DAB1: variants seen among roughly 807,000 people sequenced by gnomAD.
The protein encoded by DAB1 is DAB adaptor protein 1.
A neutral mutation model predicts 64.6 loss-of-function variants in DAB1; 15 were observed. The ratio of observed to expected loss-of-function variants is 0.23; its 90% confidence interval spans 0.16 to 0.36. The LOEUF is 0.36. Among genes scored for constraint, DAB1 ranks in the 10% least tolerant of loss-of-function variants. The pLI, the probability that DAB1 is intolerant of heterozygous loss-of-function variation, is 1.00. For missense variants in DAB1, 596 were observed against 706.7 expected (o/e 0.84, Z 1.78); for synonymous variants, 235 against 251.9 (o/e 0.93, Z 0.64).
chr1:57,056,504 C>CAAA (rs71051216), intron 9 of DAB1, among the ~76,000 whole-genome samples: 1 of 87,012 alleles, frequency 1.1e-5, no homozygotes, highest in African/African-American at 4.5e-5. Flanking sequence ...GAGCCTGTCT[C>CAAA]AAAAAAAAAA....
intron 3 of DAB1, among the ~76,000 whole-genome samples, chr1:58,389,419 C>T (rs894114067): frequency 6.6e-6 from 1 of 152,184 alleles, no homozygotes; most frequent in African/African-American, 2.4e-5. Context: ...GTCTGAGCAG[C>T]AGAGTGACAA....
chr1:57,461,740 C>G (rs977286456), intron 7 of DAB1, among the ~76,000 whole-genome samples: 3 of 152,104 alleles, frequency 2.0e-5, no homozygotes, highest in African/African-American at 7.2e-5. Flanking sequence ...GTGCATACCT[C>G]TATCATTGCT....
chr1:57,294,475 T>TA (rs35156899), intron 1 of DAB1, among the ~76,000 whole-genome samples: 7 of 151,666 alleles, frequency 4.6e-5, no homozygotes, highest in African/African-American at 7.3e-5. Flanking sequence ...CTTTTTTTTT[T>TA]AAACAAAGCA....
intron 2 of DAB1, among the ~76,000 whole-genome samples, chr1:58,511,596 T>A (rs1569921691): frequency 6.6e-6 from 1 of 152,002 alleles, no homozygotes; most frequent in Non-Finnish European, 1.5e-5. Flanking sequence ...ATCACTGCAC[T>A]CTAGCCTGGG....
intron 3 of DAB1, among the ~76,000 whole-genome samples, chr1:58,369,027 C>T (rs1251150807): frequency 1.3e-5 from 2 of 152,172 alleles, no homozygotes; most frequent in African/African-American, 4.8e-5. Context: ...AAAAAGTAGC[C>T]TTCAACCAAG....
At chr1:57,128,446 G>C (rs1405190069) in intron 4 of DAB1, among the ~76,000 whole-genome samples, 1 of 152,128 alleles carries the variant, frequency 6.6e-6, no homozygotes, top group African/African-American at 2.4e-5. Flanking sequence ...TACAAATAAA[G>C]TTTTATTAGA....
At chr1:58,337,425 C>T (rs1252562941) in intron 4 of DAB1, among the ~76,000 whole-genome samples, 3 of 151,936 alleles carry the variant, frequency 2.0e-5, no homozygotes, top group Non-Finnish European at 4.4e-5. Flanking sequence ...TTTCTCTTTT[C>T]CAGAAACCCA....
At chr1:58,355,522 G>A (rs1281280636) in intron 3 of DAB1, among the ~76,000 whole-genome samples, 2 of 150,952 alleles carry the variant, frequency 1.3e-5, no homozygotes, top group Non-Finnish European at 2.9e-5. Flanking sequence ...CAGCTTTCTT[G>A]TCACTTTCAC....
At chr1:58,441,847 C>G (rs941680856) in intron 3 of DAB1, among the ~76,000 whole-genome samples, 1 of 152,182 alleles carries the variant, frequency 6.6e-6, no homozygotes, top group Non-Finnish European at 1.5e-5. Context: ...AAATTGCTCA[C>G]TGAGTCGGTA....
chr1:57,063,446 A>G (rs1650602871), intron 8 of DAB1, among the ~76,000 whole-genome samples: 1 of 152,192 alleles, frequency 6.6e-6, no homozygotes, highest in African/African-American at 2.4e-5. Flanking sequence ...CCATTTGATA[A>G]TTATGGAAGG....
intron 4 of DAB1, among the ~76,000 whole-genome samples, chr1:58,165,998 GGTTAGTAA>G (rs1275319203): frequency 1.3e-5 from 2 of 152,180 alleles, no homozygotes; most frequent in Non-Finnish European, 2.9e-5. Context: ...AAGGACACAT[GGTTAGTAA>G]GTAAGTGGAA....
chr1:57,542,976 T>A (rs535206443), intron 7 of DAB1, among the ~76,000 whole-genome samples: 342 of 152,088 alleles, frequency 2.2e-3, no homozygotes, highest in African/African-American at 8.0e-3. Flanking sequence ...TATGGAGAGG[T>A]TACTGTGAAG....
At chr1:57,123,363 T>C (rs1454798228) in intron 4 of DAB1, among the ~76,000 whole-genome samples, 1 of 152,186 alleles carries the variant, frequency 6.6e-6, no homozygotes, top group Non-Finnish European at 1.5e-5. Flanking sequence ...TTTACAATTA[T>C]ATTGCTGCCC....
At chr1:57,430,004 T>A (rs1413016663) in intron 7 of DAB1, among the ~76,000 whole-genome samples, 2 of 152,162 alleles carry the variant, frequency 1.3e-5, no homozygotes, top group African/African-American at 4.8e-5. Flanking sequence ...TCTAGGATTT[T>A]TTTTCTATTT....
At chr1:58,026,681 T>C (rs1279038951) in intron 5 of DAB1, among the ~76,000 whole-genome samples, 2 of 152,224 alleles carry the variant, frequency 1.3e-5, no homozygotes, top group Non-Finnish European at 2.9e-5. Flanking sequence ...CTGAAGGGCA[T>C]CCATCTCAGA....
intron 3 of DAB1, among the ~76,000 whole-genome samples, chr1:58,420,257 AC>A (rs1489163735): frequency 3.9e-5 from 6 of 152,200 alleles, no homozygotes; most frequent in African/African-American, 1.4e-4. Context: ...CCTCTTAGCC[AC>A]AGCCATCTTG....
chr1:58,249,714 G>A (rs1660711790), intron 4 of DAB1, among the ~76,000 whole-genome samples: 1 of 152,042 alleles, frequency 6.6e-6, no homozygotes, highest in Non-Finnish European at 1.5e-5. Flanking sequence ...GTTTCCCCGG[G>A]ACAGGAAGGG....
intron 5 of DAB1, chr1:58,049,322 G>A (rs1411219253): frequency 3.1e-6 from 2 of 649,508 alleles, no homozygotes; most frequent in Non-Finnish European, 5.6e-6. Flanking sequence ...CTTTAACGAT[G>A]CTTCTTCGGC....
At chr1:57,436,359 T>C (rs945099735) in intron 7 of DAB1, among the ~76,000 whole-genome samples, 13 of 152,186 alleles carry the variant, frequency 8.5e-5, no homozygotes, top group African/African-American at 2.9e-4. Flanking sequence ...AGGACCATCA[T>C]CATATGACGG....
Sources: allele counts gnomAD v4.1 joint callset (sites outside exome capture counted in the v4.1 genomes callset), GRCh38; gene constraint gnomAD v4.1.1; transcripts MANE v1.5; gene names NCBI Gene and HGNC (gene_info 2026-07-23, HGNC 2026-07-21).